TSPAN9: variants seen among roughly 807,000 people sequenced by gnomAD.
TSPAN9 encodes tetraspanin-9.
Under a neutral mutation model 31.0 loss-of-function variants are expected in TSPAN9, and 16 were observed. The ratio of observed to expected loss-of-function variants is 0.52; its 90% CI spans 0.35 to 0.78. TSPAN9 has a LOEUF of 0.78. Ranked by LOEUF, TSPAN9 falls within the 30% of genes least tolerant of loss-of-function variation. The pLI is 0.01. For synonymous variants in TSPAN9, 145 were observed against 121.6 expected (o/e 1.19, Z -1.27); for missense variants, 272 against 312.5 (o/e 0.87, Z 0.98).
At chr12:3,223,159 G>T (rs989840325) in intron 3 of TSPAN9, among the ~76,000 whole-genome samples, 8 of 152,240 alleles carry the variant, frequency 5.3e-5, no homozygotes, top group Non-Finnish European at 2.9e-5. Context: ...ATTGTGCTAG[G>T]TCGGCTTTAA....
chr12:3,079,121 A>G (rs1388175078), intron 1 of TSPAN9, among the ~76,000 whole-genome samples: 3 of 152,106 alleles, frequency 2.0e-5, no homozygotes, highest in Non-Finnish European at 4.4e-5. Flanking sequence ...CTGGGATTAC[A>G]GGCGCGTGCC....
At chr12:3,133,866 A>G (rs2098330911) in intron 2 of TSPAN9, among the ~76,000 whole-genome samples, 1 of 152,176 alleles carries the variant, frequency 6.6e-6, no homozygotes, top group Admixed American at 6.5e-5. Flanking sequence ...GGCACGGGGT[A>G]ATGGCCAGAC....
intron 2 of TSPAN9, among the ~76,000 whole-genome samples, chr12:3,088,003 A>G (rs1288026678): frequency 6.6e-6 from 1 of 152,220 alleles, no homozygotes; most frequent in Non-Finnish European, 1.5e-5. Context: ...CAGTAGGAGA[A>G]GATCCTGCCT....
intron 3 of TSPAN9, among the ~76,000 whole-genome samples, chr12:3,226,772 ATATATATATATATATATATATAT>A (rs2098387857): frequency 0.014 from 23 of 1,652 alleles, 5 homozygotes; most frequent in Admixed American, 0.056. Context: ...ATATATATAT[ATATATATATATATATATATATAT>A]TTTTTTTTTT....
At chr12:3,110,694 C>A (rs10774117) in intron 2 of TSPAN9, among the ~76,000 whole-genome samples, 56,212 of 151,988 alleles carry the variant, frequency 0.37, 10,709 homozygotes, top group Middle Eastern at 0.47. Context: ...AATTGCAAAC[C>A]GACTTGGAAA....
chr12:3,141,137 A>G (rs968364389), intron 2 of TSPAN9, among the ~76,000 whole-genome samples: 1 of 152,022 alleles, frequency 6.6e-6, no homozygotes, highest in African/African-American at 2.4e-5. Context: ...TGCCTTTCCC[A>G]GGGTTAGCTC....
chr12:3,267,783 G>A (rs574535341), intron 3 of TSPAN9, among the ~76,000 whole-genome samples: 274 of 152,272 alleles, frequency 1.8e-3, no homozygotes, highest in African/African-American at 6.1e-3. Context: ...GCCGTGTGCC[G>A]GGGCCTCAGG....
intron 3 of TSPAN9, among the ~76,000 whole-genome samples, chr12:3,272,149 T>C (rs1862691233): frequency 6.6e-6 from 1 of 152,158 alleles, no homozygotes; most frequent in Admixed American, 6.5e-5. Context: ...GGGCCACCAG[T>C]GACATCTGAT....
intron 3 of TSPAN9, among the ~76,000 whole-genome samples, chr12:3,234,535 G>A (rs1042420947): frequency 2.0e-5 from 3 of 152,152 alleles, no homozygotes; most frequent in Admixed American, 6.5e-5. Flanking sequence ...CATCTTTCCC[G>A]TTCCTTACCT....
intron 2 of TSPAN9, among the ~76,000 whole-genome samples, chr12:3,182,701 G>C (rs570118830): frequency 3.3e-5 from 5 of 152,294 alleles, no homozygotes; most frequent in African/African-American, 1.2e-4. Flanking sequence ...CCATGTGATT[G>C]AGAGGCAGTG....
At chr12:3,105,858 A>ACACGTT (rs2098314354) in intron 2 of TSPAN9, among the ~76,000 whole-genome samples, 1 of 53,580 alleles carries the variant, frequency 1.9e-5, no homozygotes, top group Non-Finnish European at 4.3e-5. Flanking sequence ...ACACACGTTC[A>ACACGTT]CACACACACG....
At chr12:3,185,567 C>G (rs993013110) in intron 2 of TSPAN9, among the ~76,000 whole-genome samples, 1 of 152,166 alleles carries the variant, frequency 6.6e-6, no homozygotes, top group Non-Finnish European at 1.5e-5. Context: ...TTCGGAGCGC[C>G]TCAGGTCAGC....
At chr12:3,272,195 C>T (rs1472426667) in intron 3 of TSPAN9, among the ~76,000 whole-genome samples, 1 of 152,138 alleles carries the variant, frequency 6.6e-6, no homozygotes, top group Non-Finnish European at 1.5e-5. Flanking sequence ...GCTCTGCAGA[C>T]ACATGAGGCA....
chr12:3,281,701 T>C (rs71577846), intron 7 of TSPAN9, 33 bp from the exon 8 acceptor site: 55,588 of 1,602,670 alleles, frequency 0.035, 1,150 homozygotes, highest in Middle Eastern at 0.044. Flanking sequence ...ATGCTTGGGC[T>C]GGGACCCTAA....
chr12:3,087,721 G>A (rs1351933739), intron 2 of TSPAN9, among the ~76,000 whole-genome samples: 1 of 152,046 alleles, frequency 6.6e-6, no homozygotes, highest in African/African-American at 2.4e-5. Context: ...CAGGAGAATT[G>A]CTTGAATCTG....
chr12:3,266,581 A>T lies in TSPAN9; in HGVS notation c.64-11840A>T, dbSNP rs558918050. Among the ~76,000 whole-genome samples, 7 of 152,294 alleles carry T rather than the reference A, an allele frequency of 4.6e-5. No homozygotes were observed. In the East Asian group the frequency reaches 1.4e-3, roughly 29 times the overall value. On this transcript the variant is annotated intron_variant, in intron 3 of 8. Transcript: ENST00000011898. Reference sequence around the variant, plus strand: ...CGGAGTAACCTGAATTGCCATGCACATGTTGCAAACAGGATGGGTCACAGT... The same window carrying T: ...CGGAGTAACCTGAATTGCCATGCACTTGTTGCAAACAGGATGGGTCACAGT...
At chr12:3,081,807 A>ATT (rs1177041817) in intron 1 of TSPAN9, among the ~76,000 whole-genome samples, 7 of 103,548 alleles carry the variant, frequency 6.8e-5, no homozygotes, top group South Asian at 3.6e-4. Flanking sequence ...TATCTAAAAA[A>ATT]TTGTGTGTGT....
chr12:3,157,478 C>T (rs77115380), intron 2 of TSPAN9, among the ~76,000 whole-genome samples: 6,983 of 152,230 alleles, frequency 0.046, 209 homozygotes, highest in Non-Finnish European at 0.07. Flanking sequence ...CTGACCTTGA[C>T]GAACCTCATT....
chr12:3,211,183 C>T (rs1015509797), intron 3 of TSPAN9, among the ~76,000 whole-genome samples: 1 of 152,098 alleles, frequency 6.6e-6, no homozygotes, highest in Non-Finnish European at 1.5e-5. Flanking sequence ...TATTTAAGTC[C>T]TTAGTATATT....
Sources: gnomAD v4.1 joint callset for allele counts (sites outside exome capture counted in the v4.1 genomes callset) on GRCh38, gnomAD v4.1.1 for gene constraint, MANE v1.5 for transcripts, NCBI Gene and HGNC (gene_info 2026-07-23, HGNC 2026-07-21) for gene names.